The following NEGR1 variants were observed in gnomAD, a reference collection of about 807,000 sequenced individuals.
NEGR1 encodes the protein IgLON family member 4.
NEGR1 carries 10 observed loss-of-function variants against 40.9 expected under a neutral mutation model. The ratio of observed to expected loss-of-function variants is 0.24; its 90% CI spans 0.15 to 0.42. The LOEUF (loss-of-function observed/expected upper bound fraction) is 0.42. Among genes scored for constraint, NEGR1 ranks in the 10% least tolerant of loss-of-function variants. The pLI, the probability that NEGR1 is intolerant of heterozygous loss-of-function variation, is 1.00. For synonymous variants in NEGR1, 185 were observed against 166.8 expected, an observed-to-expected ratio of 1.11 and a Z score of -0.84; for missense variants, 352 against 438.9, an observed-to-expected ratio of 0.80 and a Z score of 1.77.
chr1:72,188,431 C>A lies in NEGR1; in HGVS notation c.176+93888G>T, dbSNP rs937575654. Among the ~76,000 whole-genome samples, 7 of 151,368 alleles carry A rather than the reference C, an allele frequency of 4.6e-5. No individual in the cohort carries two copies. The Admixed American group carries it at 4.6e-4, about 10-fold the overall frequency. On this transcript the variant is annotated intron_variant, in intron 1 of 6. Transcript: ENST00000357731. ...CTTGTAGAAATGGCACTGTTTAATT[C>A]TTTGCAACAGCTTATTAATTGGAAA...
chr1:72,138,747 A>T (rs934922771), intron 1 of NEGR1, among the ~76,000 whole-genome samples: 5 of 152,082 alleles, frequency 3.3e-5, no homozygotes, highest in African/African-American at 1.2e-4. Context: ...AACTGCAAGC[A>T]TAAAGAGGAA....
intron 6 of NEGR1, chr1:71,486,639 A>G (rs1403370268): frequency 6.6e-6 from 1 of 151,454 alleles, no homozygotes; most frequent in Non-Finnish European, 1.5e-5. Context: ...TTGATTCTTA[A>G]TGTAATATTT....
At chr1:72,164,987 T>C (rs529873332) in intron 1 of NEGR1, among the ~76,000 whole-genome samples, 2 of 152,230 alleles carry the variant, frequency 1.3e-5, no homozygotes, top group African/African-American at 4.8e-5. Flanking sequence ...CTTGATAATT[T>C]TTTTTTCATG....
chr1:71,704,274 A>G (rs1024105755), intron 3 of NEGR1, among the ~76,000 whole-genome samples: 4 of 152,098 alleles, frequency 2.6e-5, no homozygotes, highest in Middle Eastern at 3.4e-3. Context: ...AAGCTAAAGT[A>G]AACAGAGCTA....
chr1:71,490,848 G>A (rs1185773171), intron 6 of NEGR1, among the ~76,000 whole-genome samples: 1 of 151,992 alleles, frequency 6.6e-6, no homozygotes, highest in Admixed American at 6.6e-5. Flanking sequence ...CTGGCTCCTT[G>A]AGTTGCTGAA....
chr1:72,047,827 T>A (rs371092892), intron 1 of NEGR1, among the ~76,000 whole-genome samples: 3 of 151,614 alleles, frequency 2.0e-5, no homozygotes, highest in Non-Finnish European at 4.4e-5. Flanking sequence ...CTCAAGACTT[T>A]TAATTTTTAC....
At chr1:71,478,643 A>G (rs768997664) in intron 6 of NEGR1, among the ~76,000 whole-genome samples, 3 of 151,982 alleles carry the variant, frequency 2.0e-5, no homozygotes, top group Admixed American at 6.6e-5. Flanking sequence ...TAAATAGTTA[A>G]TGAACTAAAT....
At position 71,618,889 on chromosome 1, in the gene NEGR1, G is replaced by T. The variant is rs552883838; in HGVS notation, c.668-7743C>A. Among the ~76,000 whole-genome samples the T allele has an allele frequency of 1.6e-4, 24 of 152,124 alleles. No homozygotes were observed. The South Asian group carries it at 4.8e-3, about 30-fold the overall frequency. ...GCATTTTGTGGGTCTGATATTTCTT[G>T]GGATATATTCTGCATGTGTCAAATT... On this transcript the variant is annotated intron_variant, in intron 4 of 6. Coordinates refer to ENST00000357731, the MANE Select transcript of NEGR1 (RefSeq NM_173808.3).
chr1:72,005,264 A>C (rs753260516), intron 1 of NEGR1, among the ~76,000 whole-genome samples: 2 of 152,272 alleles, frequency 1.3e-5, no homozygotes, highest in Non-Finnish European at 2.9e-5. Flanking sequence ...ATAAGAGCAT[A>C]GTGAATGCAA....
intron 5 of NEGR1, among the ~76,000 whole-genome samples, chr1:71,598,603 C>T (rs1649818332): frequency 6.6e-6 from 1 of 152,200 alleles, no homozygotes; most frequent in African/African-American, 2.4e-5. Context: ...CACACACTCT[C>T]AGCATCAATT....
chr1:71,929,642 T>C (rs1645835779), intron 2 of NEGR1, among the ~76,000 whole-genome samples: 1 of 152,224 alleles, frequency 6.6e-6, no homozygotes, highest in Admixed American at 6.5e-5. Context: ...TTTTGACTTG[T>C]TGAAAATTTT....
intron 1 of NEGR1, among the ~76,000 whole-genome samples, chr1:72,176,579 G>C (rs1652173810): frequency 6.6e-6 from 1 of 152,050 alleles, no homozygotes; most frequent in Admixed American, 6.6e-5. Context: ...GTTAATCAAT[G>C]TTAGCACTGG....
intron 4 of NEGR1, among the ~76,000 whole-genome samples, chr1:71,672,195 A>G (rs907951407): frequency 3.9e-5 from 6 of 152,168 alleles, no homozygotes; most frequent in African/African-American, 1.4e-4. Context: ...CTTGCTGTTG[A>G]GAAAGTTTGG....
At chr1:71,640,904 G>A (rs575642891) in intron 4 of NEGR1, among the ~76,000 whole-genome samples, 19 of 151,948 alleles carry the variant, frequency 1.3e-4, no homozygotes, top group Non-Finnish European at 1.3e-4. Flanking sequence ...TGTTGAGTAA[G>A]AACTCAACAG....
At chr1:71,537,185 G>C (rs983963134) in intron 6 of NEGR1, among the ~76,000 whole-genome samples, 9 of 151,588 alleles carry the variant, frequency 5.9e-5, no homozygotes, top group African/African-American at 1.9e-4. Context: ...GTAGATATGA[G>C]CATTAATTCC....
intron 6 of NEGR1, among the ~76,000 whole-genome samples, chr1:71,575,258 A>T (rs1439636695): frequency 6.6e-6 from 1 of 152,204 alleles, no homozygotes; most frequent in Non-Finnish European, 1.5e-5. Flanking sequence ...CTCCAACCAA[A>T]GCAGTAGAGA....
chr1:71,596,489 T>C (rs1435848507), intron 5 of NEGR1, among the ~76,000 whole-genome samples: 1 of 152,230 alleles, frequency 6.6e-6, no homozygotes, highest in East Asian at 1.9e-4. Context: ...CAGATACTTA[T>C]ATTTCTGACT....
chr1:72,241,679 TGAA>T (rs1363932553), intron 1 of NEGR1, among the ~76,000 whole-genome samples: 5 of 151,586 alleles, frequency 3.3e-5, no homozygotes, highest in African/African-American at 9.7e-5. Flanking sequence ...CATGATCACA[TGAA>T]GAAGTGCAGT....
At chr1:71,978,986 A>G (rs1203206688) in intron 1 of NEGR1, among the ~76,000 whole-genome samples, 1 of 152,220 alleles carries the variant, frequency 6.6e-6, no homozygotes, top group Non-Finnish European at 1.5e-5. Flanking sequence ...TGGATAAAGA[A>G]AATATGGTAC....
Sources: allele counts gnomAD v4.1 joint callset (sites outside exome capture counted in the v4.1 genomes callset), GRCh38; gene constraint gnomAD v4.1.1; transcripts MANE v1.5; gene names NCBI Gene and HGNC (gene_info 2026-07-23, HGNC 2026-07-21).